TAFA5: variants seen among roughly 807,000 people sequenced by gnomAD.
The protein encoded by TAFA5 is TAFA chemokine like family member 5.
TAFA5 carries 6 observed loss-of-function variants against 15.3 expected under a neutral mutation model. The observed-to-expected ratio is 0.39, with a 90% CI of 0.21 to 0.77. The LOEUF (loss-of-function observed/expected upper bound fraction) is 0.77, where lower values mean the gene tolerates loss of function less well. Among genes scored for constraint, TAFA5 ranks in the 30% least tolerant of loss-of-function variants. The pLI is 0.41. For missense variants in TAFA5, 161 were observed against 193.1 expected (o/e 0.83, Z 0.98); for synonymous variants, 103 against 80.7 (o/e 1.28, Z -1.48).
chr22:48,544,313 G>C (rs1415694780), intron 1 of TAFA5: 2 of 257,356 alleles, frequency 7.8e-6, no homozygotes, highest in African/African-American at 4.4e-5. Flanking sequence ...TCCTCCCCCT[G>C]CGTTGTCTGC....
intron 1 of TAFA5, among the ~76,000 whole-genome samples, chr22:48,597,945 TC>T (rs1248852701): frequency 6.6e-6 from 1 of 151,586 alleles, no homozygotes; most frequent in African/African-American, 2.4e-5. Context: ...AACACAGGAG[TC>T]CCGGCCCTCC....
At chr22:48,567,299 G>T (rs896492795) in intron 1 of TAFA5, among the ~76,000 whole-genome samples, 2 of 152,232 alleles carry the variant, frequency 1.3e-5, no homozygotes, top group Non-Finnish European at 2.9e-5. Flanking sequence ...GGGCCCTCGT[G>T]TGTGCCCATC....
chr22:48,741,868 C>T (rs1310307123), intron 3 of TAFA5, among the ~76,000 whole-genome samples: 1 of 152,230 alleles, frequency 6.6e-6, no homozygotes, highest in South Asian at 2.1e-4. Flanking sequence ...TCTGGATGAA[C>T]GCTTGTAGAA....
intron 1 of TAFA5, among the ~76,000 whole-genome samples, chr22:48,533,026 C>T (rs921188836): frequency 7.2e-5 from 11 of 152,258 alleles, no homozygotes; most frequent in African/African-American, 2.4e-4. Context: ...GGCTGTTGCC[C>T]TAAATGCTGC....
intron 1 of TAFA5, among the ~76,000 whole-genome samples, chr22:48,535,388 C>T (rs1238083010): frequency 1.3e-5 from 2 of 152,246 alleles, no homozygotes; most frequent in East Asian, 1.9e-4. Flanking sequence ...GAAGAAATGT[C>T]TGACTTCAGT....
intron 2 of TAFA5, among the ~76,000 whole-genome samples, chr22:48,698,811 G>A (rs139556214): frequency 0.011 from 1,348 of 124,878 alleles, 11 homozygotes; most frequent in Non-Finnish European, 0.015. Context: ...GGCCGGGGCT[G>A]TGCGCTTACC....
chr22:48,606,942 ACTCTGTGCCCAGGG>A, intron 1 of TAFA5, among the ~76,000 whole-genome samples: 1 of 143,836 alleles, frequency 7.0e-6, no homozygotes, highest in African/African-American at 3.0e-5. Context: ...TTTCGCTTCC[ACTCTGTGCCCAGGG>A]CAAGCAGTAA....
intron 1 of TAFA5, among the ~76,000 whole-genome samples, chr22:48,523,376 C>T (rs1222791242): frequency 6.6e-6 from 1 of 152,270 alleles, no homozygotes; most frequent in Non-Finnish European, 1.5e-5. Flanking sequence ...GCAAACTCCC[C>T]TGGGCCCTCC....
At chr22:48,584,750 C>A (rs1924270178) in intron 1 of TAFA5, among the ~76,000 whole-genome samples, 1 of 150,922 alleles carries the variant, frequency 6.6e-6, no homozygotes, top group South Asian at 2.1e-4. Context: ...GCACCCTCCA[C>A]ACACACACAA....
At chr22:48,717,965 C>A (rs1929452481) in intron 3 of TAFA5, among the ~76,000 whole-genome samples, 1 of 152,228 alleles carries the variant, frequency 6.6e-6, no homozygotes, top group African/African-American at 2.4e-5. Context: ...GCCGTCTGTC[C>A]TGCGTGTGGT....
intron 1 of TAFA5, among the ~76,000 whole-genome samples, chr22:48,584,058 A>G (rs1924222885): frequency 6.7e-6 from 1 of 149,462 alleles, no homozygotes; most frequent in Admixed American, 6.7e-5. Flanking sequence ...CACATACACC[A>G]CACATACCAG....
chr22:48,615,197 G>C (rs28390081), intron 1 of TAFA5, among the ~76,000 whole-genome samples: 10 of 152,146 alleles, frequency 6.6e-5, no homozygotes, highest in Admixed American at 3.9e-4. Flanking sequence ...AGAGAGCTGC[G>C]TTGGGGAAGA....
intron 1 of TAFA5, among the ~76,000 whole-genome samples, chr22:48,508,785 C>T (rs1921104890): frequency 6.6e-6 from 1 of 152,160 alleles, no homozygotes; most frequent in African/African-American, 2.4e-5. Flanking sequence ...TCTGCACACC[C>T]ATCGCCTCAA....
At chr22:48,500,741 G>T (rs756176616) in intron 1 of TAFA5, among the ~76,000 whole-genome samples, 2 of 152,236 alleles carry the variant, frequency 1.3e-5, no homozygotes, top group African/African-American at 4.8e-5. Flanking sequence ...GGCTGACATC[G>T]CACTGTGTCC....
In TAFA5 at chr22:48,742,727, C is replaced by T. The variant is rs1027786223; in HGVS notation, c.391-7112C>T. ...GGTGGGCCGGGTGGTGTGGTGAAGC[C>T]GGCAGCACAGTGGAGCAGGCATTAT... On this transcript the variant is annotated intron_variant, in intron 3 of 3. Coordinates refer to ENST00000402357, the MANE Select transcript of TAFA5 (RefSeq NM_001082967.3). This position sits in a 1 kb window ranked among gnomAD's most constrained non-coding sequence, Gnocchi z 6.2. Among the ~76,000 whole-genome samples, 6 of 151,986 alleles carry T rather than the reference C, an allele frequency of 3.9e-5. No homozygotes were observed. The highest frequency in any genetic ancestry group is 2.1e-4 in the South Asian group (1 of 4,798).
At chr22:48,726,182 T>A (rs1041703991) in intron 3 of TAFA5, among the ~76,000 whole-genome samples, 1 of 152,262 alleles carries the variant, frequency 6.6e-6, no homozygotes, top group Non-Finnish European at 1.5e-5. Flanking sequence ...TTTGTTCTCA[T>A]TTCTATTTGT....
In TAFA5 at chr22:48,564,388, AGCTGGT is replaced by A. The variant is rs1923341456; in HGVS notation, c.112+74686_112+74691del. Among the ~76,000 whole-genome samples, 4 of 152,238 alleles carry A rather than the reference AGCTGGT, an allele frequency of 2.6e-5. No homozygotes were observed. In the South Asian group the frequency reaches 8.3e-4, roughly 31 times the overall value. ...GGACGAAGGGACACAAAATGAAGGA[AGCTGGT>A]GGTTACTGACCAAGTGCTGACCTTT... On this transcript the variant is annotated intron_variant, in intron 1 of 3. Transcript: ENST00000402357.
At chr22:48,641,476 A>AC (rs1926673445) in intron 1 of TAFA5, among the ~76,000 whole-genome samples, 1 of 150,638 alleles carries the variant, frequency 6.6e-6, no homozygotes, top group South Asian at 2.1e-4. Flanking sequence ...TTCTAAGAAA[A>AC]CTCCCCCAAA....
chr22:48,693,251 T>C lies in TAFA5; in HGVS notation c.263-14466T>C. The C allele has an allele frequency of 2.6e-6, 4 of 1,547,262 alleles. 1 individual carries two copies. The South Asian group carries it at 4.8e-5, about 18-fold the overall frequency. ...GCCTGGCAGGATGAGTCCAGAGCCA[T>C]GAAAATGCTCAGACCTTTTCATCCC... On this transcript the variant is annotated intron_variant, in intron 2 of 3. Coordinates refer to ENST00000402357, the MANE Select transcript of TAFA5 (RefSeq NM_001082967.3).
Sources: gnomAD v4.1 joint callset for allele counts (sites outside exome capture counted in the v4.1 genomes callset) on GRCh38, gnomAD v4.1.1 for gene constraint, Gnocchi (gnomAD v3.1) non-coding constraint, MANE v1.5 for transcripts, NCBI Gene and HGNC (gene_info 2026-07-23, HGNC 2026-07-21) for gene names.